Variants in CD53 observed in about 807,000 individuals in gnomAD.
The protein encoded by CD53 is CD53 molecule.
CD53 carries 20 observed loss-of-function variants against 27.3 expected under a neutral mutation model. The ratio of observed to expected loss-of-function variants is 0.73; its 90% CI spans 0.52 to 1.07. CD53 has a LOEUF of 1.07. CD53 is among the 50% of genes least tolerant of loss of function. The pLI is 0.00. For missense variants in CD53, 216 were observed against 264.0 expected, an observed-to-expected ratio of 0.82 and a Z score of 1.26; for synonymous variants, 106 against 105.3, an observed-to-expected ratio of 1.01 and a Z score of -0.04.
At chr1:110,871,793 A>G (rs1266693563), upstream of CD53, among the ~76,000 whole-genome samples, 1 of 142,070 alleles carries the variant, frequency 7.0e-6, no homozygotes, top group Non-Finnish European at 1.5e-5. Context: ...TTACACTGAA[A>G]AATTGTTCCC....
chr1:110,875,637 A>G lies in CD53; in HGVS notation c.-18+2389A>G, dbSNP rs544717901. ...GTGTAGATCACCCTGGGCCCTAGAG[A>G]CTGGGCACCTGTCCTCAGGAAGCTC... is the stretch of plus-strand genomic sequence containing the variant. On this transcript the variant is annotated intron_variant, in intron 1 of 7. Coordinates refer to ENST00000271324, the MANE Select transcript of CD53 (RefSeq NM_000560.4). Among the ~76,000 whole-genome samples the G allele has an allele frequency of 1.2e-4, 14 of 112,056 alleles. No individual in the cohort carries two copies. The East Asian group carries it at 3.1e-3, about 24-fold the overall frequency. 73.5% of individuals were successfully genotyped at this position (112,056 alleles called of 152,430 possible).
In CD53 at chr1:110,896,807, T is replaced by C. The variant is rs917097632; in HGVS notation, c.504+74T>C. The C allele has an allele frequency of 5.6e-6, 7 of 1,255,580 alleles. No individual in the cohort carries two copies. The African/African-American group carries it at 5.9e-5, about 11-fold the overall frequency. 77.8% of individuals were successfully genotyped at this position (1,255,580 alleles called of 1,614,324 possible). The stretch of plus-strand genomic sequence containing the variant: ...TTAATTACCTCGGAAACTGCAGTCA[T>C]AGAGGACCTAGACCTTCTATTGAGA... On this transcript the variant is annotated intron_variant, in intron 6 of 7. Coordinates refer to ENST00000271324, the MANE Select transcript of CD53 (RefSeq NM_000560.4).
intron 2 of CD53, among the ~76,000 whole-genome samples, chr1:110,892,090 T>C (rs1422237808): frequency 1.3e-5 from 2 of 152,192 alleles, no homozygotes; most frequent in East Asian, 3.9e-4. Flanking sequence ...GTGAAGATAC[T>C]GTGTGGCTCA....
chr1:110,880,853 G>C (rs1557814453), intron 1 of CD53, among the ~76,000 whole-genome samples: 1 of 152,128 alleles, frequency 6.6e-6, no homozygotes, highest in Non-Finnish European at 1.5e-5. Flanking sequence ...ATACTCCTTA[G>C]GGCAAGTGAG....
At chr1:110,871,694 G>T (rs550009350), upstream of CD53, among the ~76,000 whole-genome samples, 1 of 152,092 alleles carries the variant, frequency 6.6e-6, no homozygotes, top group Non-Finnish European at 1.5e-5. Context: ...CCACTTCAGG[G>T]ACCTGTAAGC....
intron 3 of CD53, among the ~76,000 whole-genome samples, chr1:110,893,749 A>G (rs1362282193): frequency 1.3e-5 from 2 of 152,258 alleles, no homozygotes; most frequent in Admixed American, 6.5e-5. Flanking sequence ...AAATGTTTTA[A>G]GCAGTCAAAA....
intron 1 of CD53, among the ~76,000 whole-genome samples, chr1:110,878,515 G>GAT (rs1275444909): frequency 6.6e-6 from 1 of 152,140 alleles, no homozygotes; most frequent in Non-Finnish European, 1.5e-5. Flanking sequence ...GATTTCAGAA[G>GAT]ATTTTATGCT....
intron 1 of CD53, among the ~76,000 whole-genome samples, chr1:110,878,257 T>C (rs992745716): frequency 1.3e-5 from 2 of 152,224 alleles, no homozygotes; most frequent in Admixed American, 1.3e-4. Context: ...GGCCTACATT[T>C]GGGAGCCCTC....
intron 2 of CD53, among the ~76,000 whole-genome samples, chr1:110,892,110 T>A (rs1209616704): frequency 6.6e-6 from 1 of 152,218 alleles, no homozygotes; most frequent in Non-Finnish European, 1.5e-5. Context: ...ACAGAAGTGA[T>A]CTTTCCTTGG....
chr1:110,880,042 A>G (rs1358494662), intron 1 of CD53, among the ~76,000 whole-genome samples: 1 of 152,206 alleles, frequency 6.6e-6, no homozygotes, highest in Non-Finnish European at 1.5e-5. Context: ...AGCAAAGTTG[A>G]TCCCTAACCT....
chr1:110,892,197 T>C (rs1199510828), intron 2 of CD53, 148 bp from the exon 3 acceptor site: 1 of 690,496 alleles, frequency 1.4e-6, no homozygotes, highest in East Asian at 2.7e-5. Context: ...AATGTAAGCA[T>C]GGAAAAGTTT....
At chr1:110,890,612 C>A (rs139289690) in intron 1 of CD53, among the ~76,000 whole-genome samples, 3 of 136,526 alleles carry the variant, frequency 2.2e-5, no homozygotes, top group Non-Finnish European at 3.3e-5. Flanking sequence ...GAAAGGAAAG[C>A]GAAAAGGAAA....
chr1:110,887,903 G>A (rs1656689924), intron 1 of CD53, among the ~76,000 whole-genome samples: 1 of 152,180 alleles, frequency 6.6e-6, no homozygotes, highest in Non-Finnish European at 1.5e-5. Flanking sequence ...GGGCAAAGAT[G>A]ACTTTGAAGT....
chr1:110,894,413 AG>A lies in CD53; in HGVS notation c.327+13del, dbSNP rs771055656. On this transcript the variant is annotated intron_variant, in intron 4 of 7. Transcript: ENST00000271324. ...TATATGAACAGAAGGTAAGTTATAA[AG>A]ACAACAACTTATTGTCTTAATACTG... is the stretch of plus-strand genomic sequence containing the variant. 3 of 1,603,216 alleles carry A rather than the reference AG, an allele frequency of 1.9e-6. No homozygotes were observed. In the African/African-American group the frequency reaches 4.0e-5, roughly 21 times the overall value.
chr1:110,888,177 T>C (rs991767824), intron 1 of CD53, among the ~76,000 whole-genome samples: 10 of 152,220 alleles, frequency 6.6e-5, no homozygotes, highest in Admixed American at 2.0e-4. Flanking sequence ...CCTGAATGTA[T>C]ACTTCTGACC....
chr1:110,891,940 G>A (rs1656871060), intron 2 of CD53, among the ~76,000 whole-genome samples: 1 of 152,232 alleles, frequency 6.6e-6, no homozygotes, highest in African/African-American at 2.4e-5. Context: ...ATTATTATAA[G>A]TTTGGCTTCT....
At chr1:110,890,218 G>C (rs576178809) in intron 1 of CD53, among the ~76,000 whole-genome samples, 5 of 152,090 alleles carry the variant, frequency 3.3e-5, no homozygotes, top group African/African-American at 1.2e-4. Context: ...TATCAGTCCT[G>C]TGCACGGTTT....
intron 1 of CD53, 84 bp downstream of exon 1, chr1:110,873,332 T>C (rs571705022): frequency 1.5e-4 from 23 of 152,746 alleles, no homozygotes; most frequent in African/African-American, 4.8e-4. Flanking sequence ...ACCTCTCTAG[T>C]AACCATAAAA....
intron 5 of CD53, among the ~76,000 whole-genome samples, chr1:110,896,058 G>A (rs1429157132): frequency 2.0e-5 from 3 of 151,996 alleles, no homozygotes; most frequent in Non-Finnish European, 4.4e-5. Context: ...TTGAATGATA[G>A]GTCTCTCTAT....
Sources: allele counts gnomAD v4.1 joint callset (sites outside exome capture counted in the v4.1 genomes callset), GRCh38; gene constraint gnomAD v4.1.1; transcripts MANE v1.5; gene names NCBI Gene and HGNC (gene_info 2026-07-23, HGNC 2026-07-21).